FARS2: variants seen among roughly 807,000 people sequenced by gnomAD.
The protein encoded by FARS2 is phenylalanyl-tRNA synthetase 2, mitochondrial.
In FARS2, 40 loss-of-function variants were observed where a neutral mutation model predicts 46.4. The ratio of observed to expected loss-of-function variants is 0.86; its 90% CI spans 0.67 to 1.12. The LOEUF (loss-of-function observed/expected upper bound fraction) is 1.12. FARS2 is among the 50% of genes most tolerant of loss of function. The pLI is 0.00. For missense variants in FARS2, 513 were observed against 567.9 expected (o/e 0.90, Z 0.98); for synonymous variants, 234 against 214.9 (o/e 1.09, Z -0.78).
rs141585059 is a variant in FARS2 at position 5,634,280 on chromosome 6, CA to C, written c.1217+20964del. 9.2e-3 allele frequency among the ~76,000 whole-genome samples: 1,405 copies of C among 152,208 alleles called. 32 individuals carry two copies. The highest frequency in any genetic ancestry group is 0.031 in the African/African-American group (1,308 of 41,546). On this transcript the variant is annotated intron_variant, in intron 6 of 6. Coordinates refer to ENST00000274680, the MANE Select transcript of FARS2 (RefSeq NM_006567.5). ...ATAAGTGAATCTTTTACAAAAGATA[CA>C]AAACCAATTATTTTGCTCAATTTTT...
At chr6:5,723,163 G>A (rs1481720318) in intron 6 of FARS2, among the ~76,000 whole-genome samples, 1 of 152,116 alleles carries the variant, frequency 6.6e-6, no homozygotes, top group African/African-American at 2.4e-5. Context: ...AAGGTGACAG[G>A]CCACGAATGG....
Position 5,311,090 on chromosome 6 carries a change from AAC to A in FARS2, c.-22+49434_-22+49435del, listed in dbSNP as rs1354471405. 6.6e-6 allele frequency among the ~76,000 whole-genome samples: 1 copy of A among 152,250 alleles called. No homozygotes were observed. The highest frequency in any genetic ancestry group is 1.5e-5 in the Non-Finnish European group (1 of 68,044). ...ACAGCAGAAACCTGGGAACAGTCAG[AAC>A]ACATCAATGAGGCACTGGTTAAATA... On this transcript the variant is annotated intron_variant, in intron 1 of 6. Transcript: ENST00000274680. This position sits in a 1 kb window ranked among gnomAD's most constrained non-coding sequence, Gnocchi z 4.1.
At chr6:5,405,480 CTTTT>C (rs398000284) in intron 3 of FARS2, among the ~76,000 whole-genome samples, 2,434 of 58,732 alleles carry the variant, frequency 0.041, 49 homozygotes, top group African/African-American at 0.15. Context: ...GAGCAAGGTT[CTTTT>C]TTTTTTTTTT....
rs549419527 is a variant in FARS2 at position 5,426,845 on chromosome 6, C to T, written c.773-4196C>T. On this transcript the variant is annotated intron_variant, in intron 3 of 6. Coordinates refer to ENST00000274680, the MANE Select transcript of FARS2 (RefSeq NM_006567.5). Reference sequence around the variant, plus strand: ...TTCACCATGTTGGCAAGGCTGGTCTCGAACTCCTGATCTTAACTAATCTGT... The same window carrying T: ...TTCACCATGTTGGCAAGGCTGGTCTTGAACTCCTGATCTTAACTAATCTGT... Among the ~76,000 whole-genome samples the T allele has an allele frequency of 3.9e-5, 6 of 152,248 alleles. No homozygotes were observed. In the East Asian group the frequency reaches 5.8e-4, roughly 15 times the overall value.
chr6:5,589,628 G>A (rs1375855968), intron 5 of FARS2, among the ~76,000 whole-genome samples: 2 of 152,328 alleles, frequency 1.3e-5, no homozygotes, highest in Admixed American at 1.3e-4. Context: ...TTCCTTAAGT[G>A]TTAGACGAAG....
chr6:5,449,313 C>T (rs1018161493), intron 4 of FARS2, among the ~76,000 whole-genome samples: 4 of 144,074 alleles, frequency 2.8e-5, no homozygotes, highest in Non-Finnish European at 6.0e-5. Context: ...TTTGCCACTG[C>T]ACTCCAGCCT....
intron 1 of FARS2, among the ~76,000 whole-genome samples, chr6:5,361,506 G>A (rs374028393): frequency 7.0e-4 from 107 of 152,276 alleles, no homozygotes; most frequent in Admixed American, 1.3e-3. Flanking sequence ...GAAAGGTTGC[G>A]CCAATGACAC....
At chr6:5,580,414 A>G (rs1773264037) in intron 5 of FARS2, among the ~76,000 whole-genome samples, 1 of 152,076 alleles carries the variant, frequency 6.6e-6, no homozygotes, top group South Asian at 2.1e-4. Flanking sequence ...ATTTGAAGAA[A>G]TGGAGGCGCT....
chr6:5,457,037 A>C (rs1394275681), intron 4 of FARS2: 1 of 152,264 alleles, frequency 6.6e-6, no homozygotes, highest in Non-Finnish European at 1.5e-5. Flanking sequence ...TACTGTGTGC[A>C]AGACAAAAGT....
intron 4 of FARS2, among the ~76,000 whole-genome samples, chr6:5,443,890 C>T (rs1387549606): frequency 1.3e-5 from 2 of 152,224 alleles, no homozygotes; most frequent in African/African-American, 4.8e-5. Flanking sequence ...TCCTCTTCAC[C>T]TCCCTTTCTA....
chr6:5,656,922 G>A (rs1481494999), intron 6 of FARS2, among the ~76,000 whole-genome samples: 1 of 152,130 alleles, frequency 6.6e-6, no homozygotes, highest in African/African-American at 2.4e-5. Flanking sequence ...TTGTGTGGGT[G>A]GCTAACCATA....
chr6:5,500,307 C>T (rs1427777182), intron 4 of FARS2, among the ~76,000 whole-genome samples: 1 of 152,206 alleles, frequency 6.6e-6, no homozygotes, highest in African/African-American at 2.4e-5. Context: ...TGAGAAAAGG[C>T]TGCTGTGGAG....
chr6:5,609,267 G>T (rs142820835), intron 5 of FARS2: 1 of 1,090,444 alleles, frequency 9.2e-7, no homozygotes, highest in Non-Finnish European at 1.4e-6. Context: ...GCTGCTACTG[G>T]AACTGCCCTA....
chr6:5,294,514 T>C (rs892488252), intron 1 of FARS2, among the ~76,000 whole-genome samples: 1 of 152,146 alleles, frequency 6.6e-6, no homozygotes, highest in Non-Finnish European at 1.5e-5. Context: ...TACCCAGAGA[T>C]AGTGTCAGAT....
At chr6:5,589,829 T>A (rs1175156892) in intron 5 of FARS2, among the ~76,000 whole-genome samples, 1 of 152,246 alleles carries the variant, frequency 6.6e-6, no homozygotes. Flanking sequence ...GTCAACTAGC[T>A]GTTTGTGCAT....
chr6:5,353,940 CTTT>C (rs200790865), intron 1 of FARS2, among the ~76,000 whole-genome samples: 1 of 136,808 alleles, frequency 7.3e-6, no homozygotes. Context: ...CTGTTTGCTG[CTTT>C]TTTTTTTTTT....
intron 6 of FARS2, among the ~76,000 whole-genome samples, chr6:5,643,965 T>C (rs1056132769): frequency 3.3e-5 from 5 of 152,220 alleles, no homozygotes; most frequent in African/African-American, 4.8e-5. Context: ...CTGGGGCATT[T>C]ACTGTACCCA....
chr6:5,589,559 T>C (rs1407101363), intron 5 of FARS2, among the ~76,000 whole-genome samples: 1 of 152,240 alleles, frequency 6.6e-6, no homozygotes, highest in Non-Finnish European at 1.5e-5. Flanking sequence ...GCTCGATTTG[T>C]ACACTGAGTG....
chr6:5,478,707 C>T (rs1766271213), intron 4 of FARS2, among the ~76,000 whole-genome samples: 1 of 152,172 alleles, frequency 6.6e-6, no homozygotes, highest in Non-Finnish European at 1.5e-5. Flanking sequence ...GTGGTTCGTC[C>T]AGGGTGCTTC....
Sources: allele counts gnomAD v4.1 joint callset (sites outside exome capture counted in the v4.1 genomes callset), GRCh38; gene constraint gnomAD v4.1.1; non-coding constraint Gnocchi (gnomAD v3.1); transcripts MANE v1.5; gene names NCBI Gene and HGNC (gene_info 2026-07-23, HGNC 2026-07-21).